IDO2: variants seen among roughly 807,000 people sequenced by gnomAD.
IDO2 encodes the protein indoleamine 2,3-dioxygenase-like 1 protein.
IDO2 carries 46 observed loss-of-function variants against 45.1 expected under a neutral mutation model. That is an observed-to-expected ratio of 1.02 (90% CI 0.80 to 1.30). The LOEUF is 1.30. Among genes scored for constraint, IDO2 ranks in the 50% most tolerant of loss-of-function variants. The pLI, the probability that IDO2 is intolerant of heterozygous loss-of-function variation, is 0.00. For synonymous variants in IDO2, 218 were observed against 184.9 expected, an observed-to-expected ratio of 1.18 and a Z score of -1.45; for missense variants, 544 against 491.8, an observed-to-expected ratio of 1.11 and a Z score of -1.00.
chr8:40,006,889 G>A (rs1802232148), intron 9 of IDO2, among the ~76,000 whole-genome samples: 1 of 152,034 alleles, frequency 6.6e-6, no homozygotes, highest in Non-Finnish European at 1.5e-5. Flanking sequence ...TCGAACTCCT[G>A]ACCTCAGGTG....
chr8:39,955,255 T>C (rs1394417418), intron 2 of IDO2, among the ~76,000 whole-genome samples: 1 of 134,108 alleles, frequency 7.5e-6, no homozygotes, highest in African/African-American at 3.2e-5. Context: ...ATTTGCCTTT[T>C]TTTTTTTTTT....
chr8:39,944,561 A>G (rs933045868), intron 1 of IDO2, among the ~76,000 whole-genome samples: 3 of 152,178 alleles, frequency 2.0e-5, no homozygotes, highest in African/African-American at 7.2e-5. Context: ...CAGGAATGCA[A>G]TTAACTGGTA....
intron 9 of IDO2, among the ~76,000 whole-genome samples, chr8:40,011,245 A>G (rs938323194): frequency 3.9e-5 from 6 of 152,216 alleles, no homozygotes; most frequent in Non-Finnish European, 8.8e-5. Flanking sequence ...ATGAGGCTAG[A>G]GAAGACCATT....
At chr8:39,963,991 AATGGAC>A (rs1808042126) in intron 3 of IDO2, among the ~76,000 whole-genome samples, 1 of 152,194 alleles carries the variant, frequency 6.6e-6, no homozygotes, top group Non-Finnish European at 1.5e-5. Context: ...TAAACTAACT[AATGGAC>A]AAGGTATCGC....
intron 3 of IDO2, among the ~76,000 whole-genome samples, chr8:39,972,107 C>T (rs1808188338): frequency 6.6e-6 from 1 of 152,090 alleles, no homozygotes; most frequent in African/African-American, 2.4e-5. Context: ...AACACCCCGG[C>T]TGCATGATTG....
At position 39,944,251 on chromosome 8, in the gene IDO2, T is replaced by C. The variant is rs542446464; in HGVS notation, c.-17-4898T>C. Among the ~76,000 whole-genome samples, 22 of 132,736 alleles carry C rather than the reference T, an allele frequency of 1.7e-4. No homozygotes were observed. The East Asian group carries it at 4.9e-3, about 30-fold the overall frequency. 87.1% of individuals were successfully genotyped at this position (132,736 alleles called of 152,430 possible). A position where few individuals can be genotyped will look rare whatever the true frequency, so the allele number is the denominator to read the frequency against. On this transcript the variant is annotated intron_variant, in intron 1 of 10. Coordinates refer to ENST00000502986, the Ensembl canonical transcript of IDO2. ...AATTTCCCCAGTGAGATCTATGACCTGAATATTATTACGCAAGGATCCACT... is the reference window on the plus strand; with the variant it reads ...AATTTCCCCAGTGAGATCTATGACCCGAATATTATTACGCAAGGATCCACT...
chr8:40,005,322 TC>T lies in IDO2; in HGVS notation c.668-3del. 1 of 1,568,612 alleles carries T rather than the reference TC, an allele frequency of 6.4e-7. No homozygotes were observed. Among genetic ancestry groups the T allele is most frequent in the Non-Finnish European group, 8.7e-7 (1 of 1,150,974 alleles). ...GTAAAGTTCACATTTTGATTGCTTC[TC>T]CAGATTATGTAGATCCAGACATATT... On this transcript the variant is annotated splice_region_variant and splice_polypyrimidine_tract_variant and intron_variant, in intron 8 of 10. Coordinates refer to ENST00000502986, the Ensembl canonical transcript of IDO2.
chr8:39,948,426 G>A (rs1258712892), intron 1 of IDO2, among the ~76,000 whole-genome samples: 1 of 152,138 alleles, frequency 6.6e-6, no homozygotes, highest in African/African-American at 2.4e-5. Flanking sequence ...GCACTTCCAA[G>A]TACATGAGCT....
rs55892879 is a variant in IDO2 at position 39,939,546 on chromosome 8, C to CAA, written c.-18+4353_-18+4354dup. On this transcript the variant is annotated intron_variant, in intron 1 of 10. Coordinates refer to ENST00000502986, the Ensembl canonical transcript of IDO2. ...TGAACGACAGGGCGAGACTCTGTCT[C>CAA]AAAAAAAAAAAAAAAAAAAAAAAAA... 2.1e-3 allele frequency among the ~76,000 whole-genome samples: 150 copies of CAA among 71,264 alleles called. 12 individuals are homozygous for CAA. Among genetic ancestry groups the CAA allele is most frequent in the Non-Finnish European group, 2.5e-3 (102 of 40,986 alleles). The allele number at this position is 71,264 out of a possible 152,430, so 46.8% of individuals were successfully genotyped here.
At chr8:40,005,241 C>T in intron 8 of IDO2, 86 bp from the exon 9 acceptor site, 1 of 815,538 alleles carries the variant, frequency 1.2e-6, no homozygotes, top group Non-Finnish European at 1.9e-6. Context: ...AGGGAAGGAA[C>T]TCCGGGACAG....
chr8:39,993,023 T>G (rs1339579029), intron 8 of IDO2, among the ~76,000 whole-genome samples: 2 of 152,040 alleles, frequency 1.3e-5, no homozygotes, highest in African/African-American at 4.8e-5. Flanking sequence ...TCTGCCCCCA[T>G]AAGGCAGAAG....
chr8:39,960,872 T>A (rs1238633754), intron 2 of IDO2, among the ~76,000 whole-genome samples: 2 of 152,164 alleles, frequency 1.3e-5, no homozygotes, highest in African/African-American at 2.4e-5. Context: ...AAGCTCCACC[T>A]CCCGGGTTCA....
At chr8:39,946,879 G>T (rs1807739895) in intron 1 of IDO2, among the ~76,000 whole-genome samples, 1 of 151,678 alleles carries the variant, frequency 6.6e-6, no homozygotes, top group South Asian at 2.1e-4. Flanking sequence ...GAGGGTTGAG[G>T]CTGGGAGAGG....
At chr8:39,947,389 T>C (rs1296136875) in intron 1 of IDO2, among the ~76,000 whole-genome samples, 1 of 152,200 alleles carries the variant, frequency 6.6e-6, no homozygotes, top group African/African-American at 2.4e-5. Flanking sequence ...TACTTTATGT[T>C]CTTAGCTCCC....
intron 2 of IDO2, among the ~76,000 whole-genome samples, chr8:39,960,580 AC>A (rs1352677499): frequency 6.6e-6 from 1 of 152,182 alleles, no homozygotes; most frequent in African/African-American, 2.4e-5. Context: ...TAATTCCTCA[AC>A]ACACTAACGT....
intron 8 of IDO2, among the ~76,000 whole-genome samples, chr8:39,994,526 G>T (rs931337928): frequency 6.6e-6 from 1 of 151,974 alleles, no homozygotes; most frequent in African/African-American, 2.4e-5. Flanking sequence ...CAAAGTGCTG[G>T]GATTACAGGC....
intron 1 of IDO2, among the ~76,000 whole-genome samples, chr8:39,935,820 A>T (rs1198588142): frequency 6.6e-6 from 1 of 152,240 alleles, no homozygotes; most frequent in Non-Finnish European, 1.5e-5. Flanking sequence ...GTATTGGCAG[A>T]TTATGAAATA....
exon 11 of IDO2, chr8:40,015,311 C>T (rs1469201268): frequency 2.5e-6 from 4 of 1,613,764 alleles, no homozygotes; most frequent in Admixed American, 1.7e-5. Context: ...TAGAAGACAT[C>T]CACTCAGCAC....
At chr8:39,943,426 A>G (rs1426763094) in intron 1 of IDO2, among the ~76,000 whole-genome samples, 1 of 151,640 alleles carries the variant, frequency 6.6e-6, no homozygotes, top group Non-Finnish European at 1.5e-5. Flanking sequence ...CCTCAATACC[A>G]TAAAGGCCAT....
Sources: allele counts gnomAD v4.1 joint callset (sites outside exome capture counted in the v4.1 genomes callset), GRCh38; gene constraint gnomAD v4.1.1; transcripts MANE v1.5; gene names NCBI Gene and HGNC (gene_info 2026-07-23, HGNC 2026-07-21).